PITX3: variants seen among roughly 807,000 people sequenced by gnomAD.
PITX3 encodes the protein pituitary homeobox 3.
In PITX3, 4 loss-of-function variants were observed where a neutral mutation model predicts 14.2. The ratio of observed to expected loss-of-function variants is 0.28; its 90% confidence interval spans 0.14 to 0.65. The LOEUF (loss-of-function observed/expected upper bound fraction) is 0.65. Among genes scored for constraint, PITX3 ranks in the 30% least tolerant of loss-of-function variants. The pLI, the probability that PITX3 is intolerant of heterozygous loss-of-function variation, is 0.82. For synonymous variants in PITX3, 194 were observed against 204.5 expected, an observed-to-expected ratio of 0.95 and a Z score of 0.44; for missense variants, 358 against 426.8, an observed-to-expected ratio of 0.84 and a Z score of 1.42.
At position 102,231,446 on chromosome 10, in the gene PITX3, G is replaced by C. The variant is rs114183475; in HGVS notation, c.321+142C>G. On this transcript the variant is annotated intron_variant, in intron 3 of 3. Coordinates refer to ENST00000370002, the MANE Select transcript of PITX3 (RefSeq NM_005029.4). ...GCTGGAGGTTGGCGGGCAAGAGACC[G>C]CGTGGGGCTGCGGCCGGGAGCCAGG... 7.6e-3 allele frequency: 4,861 copies of C among 639,130 alleles called. 176 individuals are homozygous for C. In the African/African-American group the frequency reaches 0.08, roughly 10 times the overall value. 39.6% of individuals were successfully genotyped at this position (639,130 alleles called of 1,614,324 possible). A position where few individuals can be genotyped will look rare whatever the true frequency, so the allele number is the denominator to read the frequency against.
chr10:102,232,829 C>T (rs1361047726), intron 1 of PITX3, among the ~76,000 whole-genome samples: 1 of 152,204 alleles, frequency 6.6e-6, no homozygotes, highest in Non-Finnish European at 1.5e-5. Flanking sequence ...AGACACAGAC[C>T]AGATGTCTGT....
intron 1 of PITX3, among the ~76,000 whole-genome samples, chr10:102,240,968 G>T (rs1211660554): frequency 6.6e-6 from 1 of 151,988 alleles, no homozygotes; most frequent in Non-Finnish European, 1.5e-5. Context: ...TCCCCCGCTG[G>T]CCAGGGCCTC....
Position 102,230,761 on chromosome 10 carries a change from C to T in PITX3, c.662G>A (p.Gly221Asp). 8 of 1,492,476 alleles carry T rather than the reference C, an allele frequency of 5.4e-6. No homozygotes were observed. Among genetic ancestry groups the T allele is most frequent in the Non-Finnish European group, 7.1e-6 (8 of 1,124,784 alleles). The allele number at this position is 1,492,476 out of a possible 1,614,324, so 92.5% of individuals were successfully genotyped here. A position where few individuals can be genotyped will look rare whatever the true frequency, so the allele number is the denominator to read the frequency against. Reference sequence around the variant, plus strand: ...GGCGGCCGGAGCCAGCCCGGGGGGGCCCCCGCCCAGGCCCTGCAGGGCCCC... The same window carrying T: ...GGCGGCCGGAGCCAGCCCGGGGGGGTCCCCGCCCAGGCCCTGCAGGGCCCC... ...GPGALQGLGG[G>D]PPGLAPAAVS... Residue 221 changes from glycine to aspartate, a missense_variant, in exon 4 of 4, where the codon GGC becomes GAC. Physicochemically the swap from Gly to Asp is moderately conservative, Grantham distance 94 (BLOSUM62 -1). Transcript: ENST00000370002.
chr10:102,239,800 T>C (rs865859967), intron 1 of PITX3, among the ~76,000 whole-genome samples: 12 of 152,230 alleles, frequency 7.9e-5, no homozygotes, highest in Non-Finnish European at 7.3e-5. Flanking sequence ...GTGGTTAGAA[T>C]TGGGGTCAGG....
intron 1 of PITX3, among the ~76,000 whole-genome samples, chr10:102,240,808 A>G (rs964451340): frequency 1.3e-5 from 2 of 152,182 alleles, no homozygotes; most frequent in Non-Finnish European, 1.5e-5. Flanking sequence ...GGGCTCTCAC[A>G]ACACAGCTCC....
intron 1 of PITX3, among the ~76,000 whole-genome samples, chr10:102,235,166 T>TCCCCCCCCCCCCCCCCC (rs1388718222): frequency 1.2e-4 from 7 of 59,034 alleles, no homozygotes; most frequent in Admixed American, 1.6e-4. Flanking sequence ...TTATTACCCT[T>TCCCCCCCCCCCCCCCCC]CCCCCACCCC....
rs372757931 is a variant in PITX3 at position 102,233,524 on chromosome 10, G to C, written c.-12-1432C>G. 1.2e-3 allele frequency among the ~76,000 whole-genome samples: 187 copies of C among 151,906 alleles called. 1 individual carries two copies. The highest frequency in any genetic ancestry group is 2.2e-3 in the Non-Finnish European group (151 of 67,982). On this transcript the variant is annotated intron_variant, in intron 1 of 3. Coordinates refer to ENST00000370002, the MANE Select transcript of PITX3 (RefSeq NM_005029.4). Reference sequence around the variant, plus strand: ...TCACCATGTTGGCTAGGCTGGTCTCGAACTCCTCATCGCAGGTGATCTGCC... The same window carrying C: ...TCACCATGTTGGCTAGGCTGGTCTCCAACTCCTCATCGCAGGTGATCTGCC...
At chr10:102,240,515 C>T (rs1013032380) in intron 1 of PITX3, among the ~76,000 whole-genome samples, 4 of 152,388 alleles carry the variant, frequency 2.6e-5, no homozygotes, top group Non-Finnish European at 4.4e-5. Flanking sequence ...GACCCCATCG[C>T]ACACGCAGCA....
chr10:102,232,204 G>T, intron 1 of PITX3, 112 bp from the exon 2 acceptor site: 2 of 683,254 alleles, frequency 2.9e-6, no homozygotes, highest in Admixed American at 2.1e-5. Context: ...AACCCCAGCC[G>T]TAAAGCTGGG....
In PITX3 at chr10:102,230,817, G is replaced by A; in HGVS notation, c.606C>T (p.Ala202=). Residue 202 remains alanine, a synonymous_variant, in exon 4 of 4, where the codon GCC becomes GCT. Coordinates refer to ENST00000370002, the MANE Select transcript of PITX3 (RefSeq NM_005029.4). The part of the protein sequence containing the change: ...SSIAASMVPS[A]AAAPGTVPGP... ...CTGGCACGGTGCCCGGGGCAGCCGC[G>A]GCGGAGGGCACCATGGAGGCGGCGA... 5 of 1,566,228 alleles carry A rather than the reference G, an allele frequency of 3.2e-6. No homozygotes were observed. The highest frequency in any genetic ancestry group is 1.7e-6 in the Non-Finnish European group (2 of 1,156,544).
chr10:102,230,475 T>C lies in PITX3; in HGVS notation c.*39A>G, dbSNP rs1041820235. The stretch of plus-strand genomic sequence containing the variant: ...CCCAGTCCGCGGAGGCTGTGAATCG[T>C]TGCCCCCGCCCTCGGGGATGATCTA... On this transcript the variant is annotated 3_prime_UTR_variant, in exon 4 of 4. Coordinates refer to ENST00000370002, the MANE Select transcript of PITX3 (RefSeq NM_005029.4). 5 of 1,582,330 alleles carry C rather than the reference T, an allele frequency of 3.2e-6. No homozygotes were observed. The African/African-American group carries it at 6.7e-5, about 21-fold the overall frequency.
rs566847998 is a variant in PITX3, at chr10:102,230,695, G to A, written c.728C>T (p.Ala243Val). The A allele has an allele frequency of 1.1e-5, 17 of 1,564,448 alleles. No individual in the cohort carries two copies. The African/African-American group carries it at 2.2e-4, about 20-fold the overall frequency. ...AGAGGCGGCAGCCGCGGCGGCGGCGGCGGCCGAGGCATAAGGGCAGGACAC... is the reference window on the plus strand; with the variant it reads ...AGAGGCGGCAGCCGCGGCGGCGGCGACGGCCGAGGCATAAGGGCAGGACAC... ...GAVSCPYASA[A>V]AAAAAAASSP... The change falls in exon 4 of 4, where the codon GCC (alanine) becomes GTC (valine). Residue 243 changes from alanine to valine, a missense_variant. Ala to Val is a moderately conservative substitution (Grantham distance 64). Coordinates refer to ENST00000370002, the MANE Select transcript of PITX3 (RefSeq NM_005029.4).
At chr10:102,236,124 G>T (rs1314688214) in intron 1 of PITX3, among the ~76,000 whole-genome samples, 1 of 152,210 alleles carries the variant, frequency 6.6e-6, no homozygotes, top group Non-Finnish European at 1.5e-5. Context: ...ACGTCCGGGT[G>T]GGCTGGTCAG....
intron 1 of PITX3, among the ~76,000 whole-genome samples, chr10:102,240,508 C>A (rs1025802088): frequency 6.6e-6 from 1 of 152,258 alleles, no homozygotes; most frequent in Non-Finnish European, 1.5e-5. Context: ...CGCAGCCGAC[C>A]CCATCGCACA....
rs762843066 is a variant in PITX3, at chr10:102,230,553, G to T, written c.870C>A (p.Asn290Lys). ...CCACGGCGTACTGGCACGGACTAAG[G>T]TTGGCTGCCGGGGGCGGCCCGTGCA... ...PAVHGPPPAANLSPCQYAVER... is the reference protein window; with the variant it reads ...PAVHGPPPAAKLSPCQYAVER... The change falls in exon 4 of 4, where the codon AAC (asparagine) becomes AAA (lysine). Residue 290 changes from asparagine (N) to lysine (K), a missense_variant. By Grantham distance (94) the Asn-to-Lys change is moderately conservative (BLOSUM62 0). Around this residue, in one of 3 missense-constraint regions of PITX3, gnomAD observed 236 missense variants for 250.2 expected, o/e 0.94. Coordinates refer to ENST00000370002, the MANE Select transcript of PITX3 (RefSeq NM_005029.4). 8.1e-6 allele frequency: 13 copies of T among 1,611,280 alleles called. No homozygotes were observed. In the South Asian group the frequency reaches 1.1e-4, roughly 14 times the overall value.
At chr10:102,236,150 G>A (rs908055677) in intron 1 of PITX3, among the ~76,000 whole-genome samples, 2 of 152,182 alleles carry the variant, frequency 1.3e-5, no homozygotes, top group African/African-American at 2.4e-5. Context: ...GGCTGGGGGC[G>A]CCAAGCTGTT....
At position 102,230,718 on chromosome 10, in the gene PITX3, C is replaced by T. The variant is rs2070207047; in HGVS notation, c.705G>A (p.Val235=). ...LAPAAVSSGA[V]SCPYASAAAA... ...CGGCGGCCGAGGCATAAGGGCAGGA[C>T]ACGGCCCCGGAGGACACGGCGGCCG... is the stretch of plus-strand genomic sequence containing the variant. The change falls in exon 4 of 4, where the codon GTG becomes GTA. Residue 235 remains valine (V), a synonymous_variant. Transcript: ENST00000370002. The T allele has an allele frequency of 9.1e-6, 14 of 1,544,440 alleles. No homozygotes were observed. The highest frequency in any genetic ancestry group is 1.4e-5 in the African/African-American group (1 of 72,148).
chr10:102,231,759 G>T lies in PITX3; in HGVS notation c.150C>A (p.Gly50=), dbSNP rs1270022960. The T allele has an allele frequency of 1.9e-6, 3 of 1,606,638 alleles. No individual in the cohort carries two copies. The highest frequency in any genetic ancestry group is 1.3e-5 in the African/African-American group (1 of 74,958). The part of the protein sequence containing the change: ...DSEKASASLP[G]GSPEDGSLKK... Reference sequence around the variant, plus strand: ...TCAGCGAACCGTCCTCTGGGGAGCCGCCGGGCAGCGAAGCCGAGGCCTTTT... The same window carrying T: ...TCAGCGAACCGTCCTCTGGGGAGCCTCCGGGCAGCGAAGCCGAGGCCTTTT... Residue 50 remains glycine, a synonymous_variant, in exon 3 of 4, where the codon GGC becomes GGA. Coordinates refer to ENST00000370002, the MANE Select transcript of PITX3 (RefSeq NM_005029.4).
Position 102,230,403 on chromosome 10 carries a change from A to C in PITX3, c.*111T>G, listed in dbSNP as rs953619333. ...TGAGCCGGTGCCCCCCAGCTGCCCA[A>C]ACACCCCTTTCAGACCCTGGGGCGG... is the stretch of plus-strand genomic sequence containing the variant. On this transcript the variant is annotated 3_prime_UTR_variant, in exon 4 of 4. Transcript: ENST00000370002. 6.8e-7 allele frequency: 1 copy of C among 1,480,216 alleles called. No individual in the cohort carries two copies. Among genetic ancestry groups the C allele is most frequent in the African/African-American group, 1.4e-5 (1 of 71,688 alleles). The allele number at this position is 1,480,216 out of a possible 1,614,324, so 91.7% of individuals were successfully genotyped here.
Sources: gnomAD v4.1 joint callset for allele counts (sites outside exome capture counted in the v4.1 genomes callset) on GRCh38, gnomAD v4.1.1 for gene constraint, gnomAD v4.1.1 regional missense constraint, MANE v1.5 for transcripts, NCBI Gene and HGNC (gene_info 2026-07-23, HGNC 2026-07-21) for gene names.